PPP3CB: variants seen among roughly 807,000 people sequenced by gnomAD.
The protein encoded by PPP3CB is serine/threonine-protein phosphatase 2B catalytic subunit beta isoform.
A neutral mutation model predicts 66.4 loss-of-function variants in PPP3CB; 8 were observed. The ratio of observed to expected loss-of-function variants is 0.12; its 90% CI spans 0.07 to 0.22. PPP3CB has a LOEUF of 0.22. Among genes scored for constraint, PPP3CB ranks in the 10% least tolerant of loss-of-function variants. The pLI is 1.00. For missense variants in PPP3CB, 319 were observed against 642.5 expected (o/e 0.50, Z 5.44); for synonymous variants, 208 against 221.2 (o/e 0.94, Z 0.53).
intron 11 of PPP3CB, among the ~76,000 whole-genome samples, chr10:73,446,100 T>C (rs1159303854): frequency 6.6e-6 from 1 of 150,896 alleles, no homozygotes; most frequent in Non-Finnish European, 1.5e-5. Flanking sequence ...TTGTTGCTTT[T>C]TTTCTTTCTT....
intron 4 of PPP3CB, among the ~76,000 whole-genome samples, chr10:73,474,192 G>A (rs2056749335): frequency 6.6e-6 from 1 of 151,340 alleles, no homozygotes. Context: ...ACAGGCACAT[G>A]TCACCACGCC....
intron 3 of PPP3CB, chr10:73,477,167 A>T (rs1267350300): frequency 1.9e-6 from 1 of 518,922 alleles, no homozygotes; most frequent in Admixed American, 1.9e-5. Flanking sequence ...CCTCATTAAT[A>T]TTATTGTGAG....
At chr10:73,486,477 G>C (rs528367563) in intron 1 of PPP3CB, among the ~76,000 whole-genome samples, 377 of 151,612 alleles carry the variant, frequency 2.5e-3, no homozygotes, top group Middle Eastern at 6.8e-3. Context: ...GGCTAATTTT[G>C]TATTTTTAGT....
intron 1 of PPP3CB, among the ~76,000 whole-genome samples, chr10:73,480,219 C>T (rs11000671): frequency 0.15 from 22,528 of 151,286 alleles, 2,693 homozygotes; most frequent in African/African-American, 0.31. Context: ...TTTCAAAATA[C>T]TGATTTTTCT....
chr10:73,463,211 C>A (rs563508316), intron 9 of PPP3CB, among the ~76,000 whole-genome samples: 10 of 152,152 alleles, frequency 6.6e-5, no homozygotes, highest in African/African-American at 1.9e-4. Flanking sequence ...TCTCCCCACT[C>A]TCCGTTCCTA....
At chr10:73,470,087 G>A (rs2056678943) in intron 8 of PPP3CB, among the ~76,000 whole-genome samples, 1 of 152,144 alleles carries the variant, frequency 6.6e-6, no homozygotes, top group Non-Finnish European at 1.5e-5. Context: ...AATTTTCAGG[G>A]AAGGTGGGGA....
rs10524475 is a variant in PPP3CB, at chr10:73,489,408, C to CAATAAT, written c.85+6391_85+6396dup. Reference sequence around the variant, plus strand: ...GGTCACTATTCTACTTTAAAACCTTCAATAATAATAATAATAATAATAATG... The same window carrying CAATAAT: ...GGTCACTATTCTACTTTAAAACCTTCAATAATAATAATAATAATAATAATAATAATG... On this transcript the variant is annotated intron_variant, in intron 1 of 13. Coordinates refer to ENST00000360663, the MANE Select transcript of PPP3CB (RefSeq NM_021132.4). Among the ~76,000 whole-genome samples, 684 of 149,950 alleles carry CAATAAT rather than the reference C, an allele frequency of 4.6e-3. 2 individuals carry two copies. Among genetic ancestry groups the CAATAAT allele is most frequent in the African/African-American group, 0.015 (618 of 40,404 alleles).
chr10:73,493,327 AACAG>A (rs1376284968), intron 1 of PPP3CB, among the ~76,000 whole-genome samples: 1 of 152,084 alleles, frequency 6.6e-6, no homozygotes, highest in Non-Finnish European at 1.5e-5. Context: ...ATTCAATGCC[AACAG>A]ACAGTCTCCA....
At chr10:73,491,024 T>TG (rs1196282246) in intron 1 of PPP3CB, among the ~76,000 whole-genome samples, 8 of 88,752 alleles carry the variant, frequency 9.0e-5, no homozygotes, top group African/African-American at 4.6e-4. Context: ...TTTTTATTGT[T>TG]TTTTTTTTTT....
At chr10:73,486,271 G>C (rs1240304078) in intron 1 of PPP3CB, among the ~76,000 whole-genome samples, 3 of 148,200 alleles carry the variant, frequency 2.0e-5, no homozygotes, top group African/African-American at 7.4e-5. Context: ...GTAGAGATGG[G>C]GTTTCACTAT....
intron 8 of PPP3CB, among the ~76,000 whole-genome samples, chr10:73,468,969 G>A (rs527709758): frequency 1.1e-4 from 16 of 152,178 alleles, no homozygotes; most frequent in African/African-American, 2.2e-4. Flanking sequence ...CCCATACAAC[G>A]TAAACACTCA....
At chr10:73,494,029 C>G (rs898898419) in intron 1 of PPP3CB, among the ~76,000 whole-genome samples, 1 of 152,188 alleles carries the variant, frequency 6.6e-6, no homozygotes, top group Non-Finnish European at 1.5e-5. Flanking sequence ...ATCTAACAGT[C>G]TGGTGAAAAG....
At chr10:73,448,638 A>G (rs546039709) in intron 10 of PPP3CB, 2 of 533,242 alleles carry the variant, frequency 3.8e-6, no homozygotes, top group Non-Finnish European at 7.7e-6. Flanking sequence ...ATATTTCAAA[A>G]CAATGTTACT....
At chr10:73,454,724 A>C (rs958134378) in intron 9 of PPP3CB, among the ~76,000 whole-genome samples, 2 of 147,742 alleles carry the variant, frequency 1.4e-5, no homozygotes, top group African/African-American at 4.9e-5. Context: ...AGGCCTCTCA[A>C]AAAAAAAAAA....
Position 73,496,002 on chromosome 10 carries a change from T to A in PPP3CB, c.-113A>T. On this transcript the variant is annotated 5_prime_UTR_variant, in exon 1 of 14. It removes the in-frame stop codon of an upstream open reading frame in the 5' UTR. Coordinates refer to ENST00000360663, the MANE Select transcript of PPP3CB (RefSeq NM_021132.4). ...GGGAACATGGCGGACCCTCTTTCCCTACAGAGGGGCTAAGACCGGCATGCA... is the reference window on the plus strand; with the variant it reads ...GGGAACATGGCGGACCCTCTTTCCCAACAGAGGGGCTAAGACCGGCATGCA... The A allele has an allele frequency of 2.1e-6, 1 of 468,002 alleles. No individual in the cohort carries two copies. The highest frequency in any genetic ancestry group is 3.0e-6 in the Non-Finnish European group (1 of 331,498). The allele number at this position is 468,002 out of a possible 1,614,324, so 29.0% of individuals were successfully genotyped here.
chr10:73,452,398 T>C (rs1014920113), intron 10 of PPP3CB, among the ~76,000 whole-genome samples: 2 of 152,070 alleles, frequency 1.3e-5, no homozygotes, highest in Non-Finnish European at 2.9e-5. Flanking sequence ...AAAATATCTA[T>C]TTGAAACTAT....
chr10:73,442,806 G>A (rs1188535552), intron 12 of PPP3CB, among the ~76,000 whole-genome samples: 2 of 151,616 alleles, frequency 1.3e-5, no homozygotes, highest in Admixed American at 6.6e-5. Context: ...AGATATACCA[G>A]TGGTGGTAGT....
chr10:73,438,253 T>A lies in PPP3CB; in HGVS notation c.1564A>T (p.Thr522Ser). The A allele has an allele frequency of 6.2e-7, 1 of 1,613,794 alleles. No homozygotes were observed. The highest frequency in any genetic ancestry group is 8.5e-7 in the Non-Finnish European group (1 of 1,179,882). The stretch of plus-strand genomic sequence containing the variant: ...TGGGAAGTAGTGGGTCACTGGGCAG[T>A]ATGGTTGCCCGTCCCGTGGTTCTCA... ...ATENHGTGNHTAQ is the reference protein window; with the variant it reads ...ATENHGTGNHSAQ Residue 522 changes from threonine (T) to serine (S), a missense_variant, in exon 14 of 14, where the codon ACT becomes TCT. Coordinates refer to ENST00000360663, the MANE Select transcript of PPP3CB (RefSeq NM_021132.4).
chr10:73,481,155 ATTTT>A (rs1162942192), intron 1 of PPP3CB, among the ~76,000 whole-genome samples: 5 of 146,748 alleles, frequency 3.4e-5, no homozygotes, highest in South Asian at 4.2e-4. Flanking sequence ...CTCTTTCCAG[ATTTT>A]TTTTTCTTTT....
Sources: allele counts gnomAD v4.1 joint callset (sites outside exome capture counted in the v4.1 genomes callset), GRCh38; gene constraint gnomAD v4.1.1; transcripts MANE v1.5; gene names NCBI Gene and HGNC (gene_info 2026-07-23, HGNC 2026-07-21).